Variants in TMEM132D observed in about 807,000 individuals in gnomAD.
The protein encoded by TMEM132D is mature OL transmembrane protein.
Under a neutral mutation model 62.3 loss-of-function variants are expected in TMEM132D, and 21 were observed. The observed-to-expected ratio is 0.34, with a 90% CI of 0.24 to 0.49. TMEM132D has a LOEUF of 0.49. Among genes scored for constraint, TMEM132D ranks in the 20% least tolerant of loss-of-function variants. TMEM132D has a pLI of 0.99. For missense variants in TMEM132D, 1,346 were observed against 1,402.8 expected, an observed-to-expected ratio of 0.96 and a Z score of 0.65; for synonymous variants, 621 against 575.6, an observed-to-expected ratio of 1.08 and a Z score of -1.13.
chr12:129,296,751 C>T (rs1163628085), intron 4 of TMEM132D, among the ~76,000 whole-genome samples: 2 of 152,164 alleles, frequency 1.3e-5, no homozygotes, highest in Admixed American at 1.3e-4. Flanking sequence ...AGGTTATGTG[C>T]TATTAATGTC....
chr12:129,245,316 A>G (rs1880066708), intron 4 of TMEM132D, among the ~76,000 whole-genome samples: 1 of 152,176 alleles, frequency 6.6e-6, no homozygotes, highest in Non-Finnish European at 1.5e-5. Context: ...GTGTGTAGCT[A>G]TAGCTTTAGA....
At chr12:129,342,997 C>A (rs970246841) in intron 3 of TMEM132D, among the ~76,000 whole-genome samples, 2 of 152,156 alleles carry the variant, frequency 1.3e-5, no homozygotes, top group African/African-American at 4.8e-5. Context: ...ACTAGTTCAA[C>A]CATTGTGGAA....
intron 4 of TMEM132D, among the ~76,000 whole-genome samples, chr12:129,226,201 C>A (rs190374213): frequency 6.6e-6 from 1 of 152,142 alleles, no homozygotes. Flanking sequence ...TGGAGGCTTG[C>A]GATAAGAAAG....
intron 1 of TMEM132D, among the ~76,000 whole-genome samples, chr12:129,837,427 G>A (rs1445046748): frequency 1.3e-5 from 2 of 152,086 alleles, no homozygotes; most frequent in East Asian, 1.9e-4. Flanking sequence ...TAAGTTGCTA[G>A]GTTTACAAAC....
At chr12:129,616,366 A>C (rs1319099884) in intron 2 of TMEM132D, among the ~76,000 whole-genome samples, 1 of 152,098 alleles carries the variant, frequency 6.6e-6, no homozygotes, top group African/African-American at 2.4e-5. Flanking sequence ...ACCATGACTG[A>C]GGGGTCTTTG....
intron 5 of TMEM132D, among the ~76,000 whole-genome samples, chr12:129,121,720 A>G (rs1285110726): frequency 6.6e-6 from 1 of 152,226 alleles, no homozygotes; most frequent in Non-Finnish European, 1.5e-5. Context: ...CGGCCACCAC[A>G]GCACACAGAC....
At chr12:129,668,594 T>A (rs1880431809) in intron 2 of TMEM132D, among the ~76,000 whole-genome samples, 1 of 152,112 alleles carries the variant, frequency 6.6e-6, no homozygotes, top group South Asian at 2.1e-4. Context: ...TCAAGAGAAC[T>A]TATTTCTTTA....
chr12:129,698,527 GGGAGAGGGGAA>G (rs1227010706), intron 2 of TMEM132D, among the ~76,000 whole-genome samples: 6 of 75,842 alleles, frequency 7.9e-5, no homozygotes, highest in Non-Finnish European at 1.1e-4. Flanking sequence ...AAAAGGGGAG[GGGAGAGGGGAA>G]GGGAGGGGAG....
At position 129,785,271 on chromosome 12, in the gene TMEM132D, G is replaced by A. The variant is rs187008937; in HGVS notation, c.80-84573C>T. Among the ~76,000 whole-genome samples the A allele has an allele frequency of 2.0e-4, 30 of 152,104 alleles. No homozygotes were observed. In the South Asian group the frequency reaches 3.9e-3, roughly 20 times the overall value. Reference sequence around the variant, plus strand: ...TCATCCTCAGCCTGATGTACTCCTCGCTCTACTTAGTATCAGACTCTAAGA... The same window carrying A: ...TCATCCTCAGCCTGATGTACTCCTCACTCTACTTAGTATCAGACTCTAAGA... On this transcript the variant is annotated intron_variant, in intron 1 of 8. Coordinates refer to ENST00000422113, the MANE Select transcript of TMEM132D (RefSeq NM_133448.3).
chr12:129,502,145 G>T (rs990775698), intron 3 of TMEM132D, among the ~76,000 whole-genome samples: 1 of 152,128 alleles, frequency 6.6e-6, no homozygotes, highest in East Asian at 1.9e-4. Context: ...GATTACAGGC[G>T]TCCGTCACCA....
rs116040960 is a variant in TMEM132D at position 129,750,947 on chromosome 12, T to C, written c.80-50249A>G. ...GTACCCCATAAATATGTACAATTAC[T>C]ATGTGTCAATCATACTTTAACAAAA... On this transcript the variant is annotated intron_variant, in intron 1 of 8. Coordinates refer to ENST00000422113, the MANE Select transcript of TMEM132D (RefSeq NM_133448.3). Among the ~76,000 whole-genome samples the C allele has an allele frequency of 6.4e-3, 969 of 152,346 alleles. 9 individuals are homozygous for C. Among genetic ancestry groups the C allele is most frequent in the African/African-American group, 0.021 (861 of 41,580 alleles).
chr12:129,636,334 C>G (rs1879474622), intron 2 of TMEM132D, among the ~76,000 whole-genome samples: 1 of 152,142 alleles, frequency 6.6e-6, no homozygotes, highest in African/African-American at 2.4e-5. Flanking sequence ...CTTCCAAGGC[C>G]TGCTATCTGT....
chr12:129,504,246 A>C (rs1218008682), intron 3 of TMEM132D, among the ~76,000 whole-genome samples: 1 of 152,118 alleles, frequency 6.6e-6, no homozygotes, highest in East Asian at 1.9e-4. Context: ...CCTCCTAAAA[A>C]TTCATCTGAA....
intron 2 of TMEM132D, among the ~76,000 whole-genome samples, chr12:129,649,644 C>CAT (rs1289812550): frequency 2.0e-5 from 3 of 151,622 alleles, no homozygotes. Flanking sequence ...GAAATATATT[C>CAT]ATATATATGT....
In TMEM132D at chr12:129,827,506, A is replaced by G. The variant is rs1037594389; in HGVS notation, c.79+75755T>C. 2.0e-5 allele frequency among the ~76,000 whole-genome samples: 3 copies of G among 152,168 alleles called. No individual in the cohort carries two copies. Among genetic ancestry groups the G allele is most frequent in the Admixed American group, 1.3e-4 (2 of 15,264 alleles). On this transcript the variant is annotated intron_variant, in intron 1 of 8. Transcript: ENST00000422113. This position sits in a 1 kb window ranked among gnomAD's most constrained non-coding sequence, Gnocchi z 9.7. Reference sequence around the variant, plus strand: ...TATTTTGCAACTTTTTAACTATTTTACTTCTATGGCTGATTAGACTGAGTC... The same window carrying G: ...TATTTTGCAACTTTTTAACTATTTTGCTTCTATGGCTGATTAGACTGAGTC...
At chr12:129,333,217 G>T (rs1032963786) in intron 4 of TMEM132D, among the ~76,000 whole-genome samples, 2 of 152,164 alleles carry the variant, frequency 1.3e-5, no homozygotes, top group African/African-American at 4.8e-5. Context: ...CAGGAAAATG[G>T]GTATCACTAT....
chr12:129,460,364 T>C (rs943238886), intron 3 of TMEM132D, among the ~76,000 whole-genome samples: 4 of 152,168 alleles, frequency 2.6e-5, no homozygotes, highest in East Asian at 3.9e-4. Flanking sequence ...GGATTGGAGA[T>C]TTGAAAAAGC....
intron 4 of TMEM132D, chr12:129,212,159 A>C (rs2135568441): frequency 6.6e-6 from 1 of 152,322 alleles, no homozygotes; most frequent in East Asian, 1.9e-4. Context: ...TCTAACGATA[A>C]AAATCAAAAG....
At chr12:129,605,510 A>C (rs1878591550) in intron 2 of TMEM132D, among the ~76,000 whole-genome samples, 1 of 151,046 alleles carries the variant, frequency 6.6e-6, no homozygotes, top group East Asian at 1.9e-4. Context: ...CCAGCACTAG[A>C]AAATCATACA....
Sources: gnomAD v4.1 joint callset for allele counts (sites outside exome capture counted in the v4.1 genomes callset) on GRCh38, gnomAD v4.1.1 for gene constraint, Gnocchi (gnomAD v3.1) non-coding constraint, MANE v1.5 for transcripts, NCBI Gene and HGNC (gene_info 2026-07-23, HGNC 2026-07-21) for gene names.